The following CCDC73 variants were observed in gnomAD, a reference collection of about 807,000 sequenced individuals.
The protein encoded by CCDC73 is coiled-coil domain-containing protein 73.
A neutral mutation model predicts 116.5 loss-of-function variants in CCDC73; 95 were observed. The observed-to-expected ratio is 0.82, with a 90% CI of 0.69 to 0.97. The LOEUF (loss-of-function observed/expected upper bound fraction) is 0.97. CCDC73 is among the 50% of genes least tolerant of loss of function. The probability of loss-of-function intolerance (pLI) is 0.00; values close to 1 mark genes in which losing one functional copy is unlikely to be tolerated. For synonymous variants in CCDC73, 398 were observed against 401.3 expected (o/e 0.99, Z 0.10); for missense variants, 1,066 against 1,206.8 (o/e 0.88, Z 1.73).
intron 1 of CCDC73, among the ~76,000 whole-genome samples, chr11:32,778,119 T>A (rs1197619023): frequency 6.6e-6 from 1 of 152,226 alleles, no homozygotes; most frequent in Non-Finnish European, 1.5e-5. Flanking sequence ...ACATTTCATA[T>A]TATTATGAAA....
At chr11:32,724,864 T>C (rs1850017916) in intron 2 of CCDC73, among the ~76,000 whole-genome samples, 1 of 152,236 alleles carries the variant, frequency 6.6e-6, no homozygotes, top group Non-Finnish European at 1.5e-5. Flanking sequence ...AGTAATTCTA[T>C]CTATGTGTTA....
intron 2 of CCDC73, among the ~76,000 whole-genome samples, chr11:32,743,948 A>G (rs1276965947): frequency 2.6e-5 from 4 of 152,118 alleles, no homozygotes; most frequent in Non-Finnish European, 4.4e-5. Flanking sequence ...TACTGTGTTG[A>G]ATAGGAGTGG....
chr11:32,778,457 T>C (rs987802305), intron 1 of CCDC73, among the ~76,000 whole-genome samples: 4 of 152,220 alleles, frequency 2.6e-5, no homozygotes, highest in African/African-American at 9.6e-5. Context: ...CTGTAAGCAC[T>C]GTAATCTGGC....
chr11:32,646,050 G>A (rs1298085648), intron 12 of CCDC73, among the ~76,000 whole-genome samples: 1 of 152,142 alleles, frequency 6.6e-6, no homozygotes, highest in Non-Finnish European at 1.5e-5. Flanking sequence ...GAAGATATGG[G>A]AGAATAAACC....
At chr11:32,825,294 A>AC in the CCDC73 span, among the ~76,000 whole-genome samples, 2 of 103,986 alleles carry the variant, frequency 1.9e-5, no homozygotes, top group South Asian at 6.6e-4. Context: ...TCTGATGCAG[A>AC]CTTTTTTTTT....
rs562632991 is a variant in CCDC73 at position 32,692,383 on chromosome 11, C to G, written c.390+6868G>C. On this transcript the variant is annotated intron_variant, in intron 6 of 17. Coordinates refer to ENST00000335185, the MANE Select transcript of CCDC73 (RefSeq NM_001008391.4). ...GCATAAATGTATAAACTCAAAGCTC[C>G]AGAAATCTAATTTCCTTTTGTCCAT... is the stretch of plus-strand genomic sequence containing the variant. Among the ~76,000 whole-genome samples, 369 of 152,074 alleles carry G rather than the reference C, an allele frequency of 2.4e-3. 1 individual carries two copies. The highest frequency in any genetic ancestry group is 0.01 in the Middle Eastern group (3 of 294).
intron 14 of CCDC73, among the ~76,000 whole-genome samples, chr11:32,630,838 A>G (rs1049168319): frequency 1.3e-5 from 2 of 152,232 alleles, no homozygotes; most frequent in Non-Finnish European, 2.9e-5. Flanking sequence ...TCAACATAAG[A>G]AAAGGAAATA....
intron 1 of CCDC73, among the ~76,000 whole-genome samples, chr11:32,791,993 C>T (rs200716079): frequency 7.7e-5 from 2 of 26,008 alleles, no homozygotes; most frequent in Non-Finnish European, 9.6e-5. Flanking sequence ...CACACACATA[C>T]ACACACACAC....
intron 7 of CCDC73, among the ~76,000 whole-genome samples, chr11:32,677,297 A>G (rs907136362): frequency 2.6e-5 from 4 of 151,736 alleles, no homozygotes; most frequent in Non-Finnish European, 5.9e-5. Context: ...CTTCATTACA[A>G]CATGGACTAA....
chr11:32,703,044 C>T, intron 3 of CCDC73, 100 bp from the exon 4 acceptor site: 1 of 797,098 alleles, frequency 1.3e-6, no homozygotes, highest in East Asian at 2.4e-5. Context: ...ACCATACCTT[C>T]TACATATATT....
At chr11:32,740,948 G>A (rs1474440194) in intron 2 of CCDC73, among the ~76,000 whole-genome samples, 1 of 151,992 alleles carries the variant, frequency 6.6e-6, no homozygotes, top group Non-Finnish European at 1.5e-5. Context: ...TCATTCAGGA[G>A]CATACTGTTT....
intron 1 of CCDC73, among the ~76,000 whole-genome samples, chr11:32,779,851 T>G (rs115712811): frequency 0.014 from 2,062 of 152,294 alleles, 54 homozygotes; most frequent in African/African-American, 0.047. Context: ...TACAGGTTAA[T>G]AAACAAGAGC....
At chr11:32,724,818 C>T (rs574942785) in intron 2 of CCDC73, among the ~76,000 whole-genome samples, 1 of 152,270 alleles carries the variant, frequency 6.6e-6, no homozygotes, top group Admixed American at 6.5e-5. Context: ...TGACTTGTTA[C>T]TCCTGTGCTA....
chr11:32,763,235 C>T (rs1159520592), intron 1 of CCDC73, among the ~76,000 whole-genome samples: 1 of 152,218 alleles, frequency 6.6e-6, no homozygotes, highest in Non-Finnish European at 1.5e-5. Flanking sequence ...TGTCTGACAG[C>T]TTTGAAGAGA....
intron 6 of CCDC73, among the ~76,000 whole-genome samples, chr11:32,698,779 T>C (rs1242548498): frequency 6.6e-6 from 1 of 152,228 alleles, no homozygotes; most frequent in African/African-American, 2.4e-5. Flanking sequence ...ACCCTCAATA[T>C]ATATTGAATG....
intron 9 of CCDC73, among the ~76,000 whole-genome samples, chr11:32,675,303 T>C (rs1367414312): frequency 1.3e-5 from 2 of 152,204 alleles, no homozygotes; most frequent in African/African-American, 4.8e-5. Context: ...AAGGATGACA[T>C]ACAATGAATC....
intron 6 of CCDC73, 86 bp downstream of exon 6, chr11:32,699,165 T>C: frequency 7.3e-7 from 1 of 1,374,204 alleles, no homozygotes; most frequent in African/African-American, 1.5e-5. Flanking sequence ...TCAGCTTTGC[T>C]TTGTAGCTTA....
intron 1 of CCDC73, among the ~76,000 whole-genome samples, chr11:32,777,217 C>T (rs1449732582): frequency 2.0e-5 from 3 of 150,414 alleles, no homozygotes; most frequent in Non-Finnish European, 4.4e-5. Context: ...GTGATTCTCC[C>T]GCCTCAGCCT....
In CCDC73 at chr11:32,614,690, G is replaced by T. The variant is rs755886300; in HGVS notation, c.1628C>A (p.Thr543Lys). 2 of 1,612,256 alleles carry T rather than the reference G, an allele frequency of 1.2e-6. No homozygotes were observed. Among genetic ancestry groups the T allele is most frequent in the Non-Finnish European group, 1.7e-6 (2 of 1,178,830 alleles). Residue 543 changes from threonine (T) to lysine (K), a missense_variant, in exon 16 of 18, where the codon ACA (threonine) becomes AAA (lysine). Physicochemically the swap from Thr to Lys is moderately conservative, Grantham distance 78. Coordinates refer to ENST00000335185, the MANE Select transcript of CCDC73 (RefSeq NM_001008391.4). ...SPNNHFVVLD[T>K]AIETEKIHLE... ...ATGTATTTTTTCTGTTTCTATTGCT[G>T]TATCTAACACTACAAAATGATTATT...
Sources: gnomAD v4.1 joint callset for allele counts (sites outside exome capture counted in the v4.1 genomes callset) on GRCh38, gnomAD v4.1.1 for gene constraint, MANE v1.5 for transcripts, NCBI Gene and HGNC (gene_info 2026-07-23, HGNC 2026-07-21) for gene names.